Variants in HSF5 observed in about 807,000 individuals in gnomAD.
HSF5 encodes the protein heat shock transcription factor 5.
In HSF5, 5 loss-of-function variants were observed where a neutral mutation model predicts 50.8. The observed-to-expected ratio is 0.10, with a 90% CI of 0.05 to 0.21. The LOEUF is 0.21. HSF5 is among the 10% of genes least tolerant of loss of function. The pLI is 1.00. For synonymous variants in HSF5, 307 were observed against 307.4 expected, an observed-to-expected ratio of 1.00 and a Z score of 0.02; for missense variants, 564 against 762.6, an observed-to-expected ratio of 0.74 and a Z score of 3.07.
chr17:58,428,456 G>A (rs947483389), intron 5 of HSF5, among the ~76,000 whole-genome samples: 8 of 152,038 alleles, frequency 5.3e-5, no homozygotes, highest in South Asian at 2.1e-4. Flanking sequence ...TCAGGAGATC[G>A]AGACCATCCT....
Position 58,444,097 on chromosome 17 carries a change from T to C in HSF5, c.1720+14671A>G, listed in dbSNP as rs145143734. ...AGAAATTAAAGATGACACTAATAAG[T>C]AGAACACATTCCATGTTCATGGACT... On this transcript the variant is annotated intron_variant, in intron 5 of 5. Transcript: ENST00000323777. Among the ~76,000 whole-genome samples, 198 of 152,296 alleles carry C rather than the reference T, an allele frequency of 1.3e-3. 1 individual carries two copies. The highest frequency in any genetic ancestry group is 4.2e-3 in the African/African-American group (176 of 41,568).
At chr17:58,455,300 A>G (rs1974694481) in intron 5 of HSF5, among the ~76,000 whole-genome samples, 1 of 152,166 alleles carries the variant, frequency 6.6e-6, no homozygotes, top group Admixed American at 6.6e-5. Context: ...CTAAACCCCA[A>G]TTTCTCACCA....
At chr17:58,433,082 C>T (rs921458615) in intron 5 of HSF5, among the ~76,000 whole-genome samples, 10 of 152,134 alleles carry the variant, frequency 6.6e-5, no homozygotes, top group African/African-American at 2.4e-4. Context: ...GGCACAATCA[C>T]AGCTCACTAC....
chr17:58,458,312 G>C (rs1567912368), intron 5 of HSF5, among the ~76,000 whole-genome samples: 1 of 152,118 alleles, frequency 6.6e-6, no homozygotes, highest in Non-Finnish European at 1.5e-5. Context: ...ATACTTTATA[G>C]TATCTTTAAA....
chr17:58,424,620 A>C (rs1381770016), intron 5 of HSF5, among the ~76,000 whole-genome samples: 1 of 151,582 alleles, frequency 6.6e-6, no homozygotes, highest in African/African-American at 2.4e-5. Flanking sequence ...TCAAAAAAAA[A>C]AAAAAAAAGG....
At chr17:58,446,528 CCATGGAAGGGG>C (rs1275962994) in intron 5 of HSF5, among the ~76,000 whole-genome samples, 84 of 152,272 alleles carry the variant, frequency 5.5e-4, no homozygotes, top group African/African-American at 1.9e-3. Flanking sequence ...ATGCCAGTGC[CCATGGAAGGGG>C]CATTCAGATC....
intron 5 of HSF5, among the ~76,000 whole-genome samples, chr17:58,435,503 C>T (rs776086249): frequency 5.9e-5 from 9 of 152,216 alleles, no homozygotes; most frequent in East Asian, 5.8e-4. Flanking sequence ...GTCGAGATCA[C>T]GCCACTGCAC....
intron 5 of HSF5, among the ~76,000 whole-genome samples, chr17:58,435,414 G>T (rs1974414251): frequency 6.6e-6 from 1 of 152,176 alleles, no homozygotes; most frequent in Non-Finnish European, 1.5e-5. Context: ...TTGTGTGGTG[G>T]CTCATGCCTG....
In HSF5 at chr17:58,421,346, G is replaced by GT. The variant is rs1338360896; in HGVS notation, c.*1013dup. ...GCTTCTACTAAATGGCTGCTAATCA[G>GT]TTTTTTCCCAAATTTGCACACAATA... is the stretch of plus-strand genomic sequence containing the variant. On this transcript the variant is annotated 3_prime_UTR_variant, in exon 6 of 6. Coordinates refer to ENST00000323777, the MANE Select transcript of HSF5 (RefSeq NM_001080439.3). 1.3e-5 allele frequency: 2 copies of GT among 152,544 alleles called. No individual in the cohort carries two copies. The highest frequency in any genetic ancestry group is 2.9e-5 in the Non-Finnish European group (2 of 68,020). The allele number at this position is 152,544 out of a possible 1,614,324, so 9.4% of individuals were successfully genotyped here.
At chr17:58,484,496 T>A (rs1712440325) in intron 1 of HSF5, among the ~76,000 whole-genome samples, 1 of 152,190 alleles carries the variant, frequency 6.6e-6, no homozygotes, top group African/African-American at 2.4e-5. Context: ...TGTGTGTGTA[T>A]GCATGGATGT....
At chr17:58,457,654 T>C (rs1028204518) in intron 5 of HSF5, among the ~76,000 whole-genome samples, 1 of 152,208 alleles carries the variant, frequency 6.6e-6, no homozygotes, top group Non-Finnish European at 1.5e-5. Flanking sequence ...TTACTTACTC[T>C]AAGCCTAAAT....
At chr17:58,479,155 T>C (rs1273869026) in intron 2 of HSF5, among the ~76,000 whole-genome samples, 4 of 152,058 alleles carry the variant, frequency 2.6e-5, no homozygotes, top group African/African-American at 9.7e-5. Context: ...GTATCCTTTT[T>C]CATTAAATAT....
intron 3 of HSF5, among the ~76,000 whole-genome samples, chr17:58,465,449 C>T (rs1024829140): frequency 2.6e-5 from 4 of 152,074 alleles, no homozygotes; most frequent in Non-Finnish European, 5.9e-5. Flanking sequence ...CCTGGACCCA[C>T]AAACAAGAGC....
chr17:58,461,074 C>G (rs537114377), intron 4 of HSF5, among the ~76,000 whole-genome samples: 1 of 151,594 alleles, frequency 6.6e-6, no homozygotes, highest in Non-Finnish European at 1.5e-5. Context: ...AAATAGCCAG[C>G]CTGGGGGGAC....
At chr17:58,486,902 CTTTTTT>C (rs11351236) in intron 1 of HSF5, among the ~76,000 whole-genome samples, 1 of 79,902 alleles carries the variant, frequency 1.3e-5, no homozygotes. Context: ...TAAGTTCTCT[CTTTTTT>C]TTTTTTTTTT....
At chr17:58,455,747 C>G (rs1974702372) in intron 5 of HSF5, among the ~76,000 whole-genome samples, 1 of 152,048 alleles carries the variant, frequency 6.6e-6, no homozygotes, top group African/African-American at 2.4e-5. Flanking sequence ...TGCTCAATAT[C>G]ACCAATCATC....
chr17:58,432,702 A>G (rs1974380353), intron 5 of HSF5, among the ~76,000 whole-genome samples: 1 of 152,166 alleles, frequency 6.6e-6, no homozygotes, highest in African/African-American at 2.4e-5. Flanking sequence ...TATATAGAAA[A>G]CTATTAAATA....
intron 2 of HSF5, among the ~76,000 whole-genome samples, chr17:58,467,927 G>A (rs921720611): frequency 2.0e-5 from 3 of 152,222 alleles, no homozygotes; most frequent in Non-Finnish European, 4.4e-5. Context: ...GGTTTAAACA[G>A]AGGATGATGT....
chr17:58,450,127 G>A lies in HSF5; in HGVS notation c.1720+8641C>T, dbSNP rs1974616304. Reference sequence around the variant, plus strand: ...AAGGCAGGCAGATCACTTGAGGTCAGGAGTTTGAGACTGGCCTGGCCAACA... The same window carrying A: ...AAGGCAGGCAGATCACTTGAGGTCAAGAGTTTGAGACTGGCCTGGCCAACA... On this transcript the variant is annotated intron_variant, in intron 5 of 5. Transcript: ENST00000323777. 2.6e-5 allele frequency among the ~76,000 whole-genome samples: 4 copies of A among 151,598 alleles called. No homozygotes were observed. In the South Asian group the frequency reaches 8.3e-4, roughly 32 times the overall value.
Sources: gnomAD v4.1 joint callset for allele counts (sites outside exome capture counted in the v4.1 genomes callset) on GRCh38, gnomAD v4.1.1 for gene constraint, MANE v1.5 for transcripts, NCBI Gene and HGNC (gene_info 2026-07-23, HGNC 2026-07-21) for gene names.